The following PTPRD variants were observed in gnomAD, a reference collection of about 807,000 sequenced individuals.
PTPRD encodes protein tyrosine phosphatase receptor type D.
In PTPRD, 34 loss-of-function variants were observed where a neutral mutation model predicts 214.5. That is an observed-to-expected ratio of 0.16 (90% CI 0.12 to 0.21). The LOEUF (loss-of-function observed/expected upper bound fraction) is 0.21. PTPRD is among the 10% of genes least tolerant of loss of function. The pLI is 1.00. For synonymous variants in PTPRD, 1,128 were observed against 845.7 expected (o/e 1.33, Z -5.79); for missense variants, 2,545 against 2,398.7 (o/e 1.06, Z -1.27).
At chr9:9,360,544 A>G (rs890655447) in intron 9 of PTPRD, among the ~76,000 whole-genome samples, 3 of 151,112 alleles carry the variant, frequency 2.0e-5, no homozygotes, top group African/African-American at 7.3e-5. Context: ...TGAAATAGGT[A>G]AATTGGGAAA....
At chr9:9,777,978 C>T (rs1253209685) in intron 5 of PTPRD, among the ~76,000 whole-genome samples, 1 of 152,096 alleles carries the variant, frequency 6.6e-6, no homozygotes, top group Non-Finnish European at 1.5e-5. Flanking sequence ...AGAGGATATT[C>T]CAAGAATAGG....
intron 7 of PTPRD, among the ~76,000 whole-genome samples, chr9:9,664,088 T>TTA (rs371443422): frequency 1.7e-5 from 2 of 114,536 alleles, no homozygotes; most frequent in African/African-American, 6.6e-5. Context: ...CACTCCTGTG[T>TTA]AAAAAAAAAA....
chr9:8,538,005 T>C (rs1218240365), intron 14 of PTPRD, among the ~76,000 whole-genome samples: 1 of 152,012 alleles, frequency 6.6e-6, no homozygotes, highest in African/African-American at 2.4e-5. Flanking sequence ...AAAAAAGAAG[T>C]ACCTTCTCCT....
At chr9:8,769,827 A>G (rs2095060989) in intron 11 of PTPRD, among the ~76,000 whole-genome samples, 1 of 152,062 alleles carries the variant, frequency 6.6e-6, no homozygotes, top group Admixed American at 6.5e-5. Context: ...AAATACATAG[A>G]AATCTGACCG....
chr9:10,405,636 G>C (rs2098341891), intron 2 of PTPRD, among the ~76,000 whole-genome samples: 2 of 151,532 alleles, frequency 1.3e-5, no homozygotes, highest in African/African-American at 4.8e-5. Context: ...AAAAATTAAA[G>C]AAGTGTATGT....
intron 10 of PTPRD, among the ~76,000 whole-genome samples, chr9:9,145,431 T>C (rs766385442): frequency 1.1e-4 from 16 of 145,862 alleles, no homozygotes; most frequent in Non-Finnish European, 2.2e-4. Flanking sequence ...TTGAGTGTCC[T>C]TTTAATTTAG....
chr9:8,476,724 T>G (rs1217213998), intron 30 of PTPRD, among the ~76,000 whole-genome samples: 1 of 152,124 alleles, frequency 6.6e-6, no homozygotes, highest in African/African-American at 2.4e-5. Flanking sequence ...CCCCCAACAT[T>G]TGCTTAACTT....
intron 9 of PTPRD, among the ~76,000 whole-genome samples, chr9:9,383,714 T>C (rs2062996641): frequency 3.9e-5 from 6 of 152,102 alleles, no homozygotes; most frequent in Admixed American, 3.9e-4. Context: ...AAGTGTAGGG[T>C]AAGTCCTGCT....
chr9:9,515,575 C>T (rs940315178), intron 8 of PTPRD, among the ~76,000 whole-genome samples: 1 of 151,060 alleles, frequency 6.6e-6, no homozygotes, highest in African/African-American at 2.4e-5. Flanking sequence ...GAGGTGGTTG[C>T]AAAATGAATT....
intron 5 of PTPRD, among the ~76,000 whole-genome samples, chr9:9,906,698 A>T (rs534708393): frequency 1.3e-5 from 2 of 151,994 alleles, no homozygotes; most frequent in Admixed American, 6.6e-5. Flanking sequence ...ATATGTAGAC[A>T]ATTCATAGGA....
intron 4 of PTPRD, among the ~76,000 whole-genome samples, chr9:10,023,006 C>T (rs1004786739): frequency 6.6e-6 from 1 of 152,086 alleles, no homozygotes; most frequent in African/African-American, 2.4e-5. Context: ...AAATATTGTA[C>T]TAGACGCATA....
rs370804504 is a variant in PTPRD at position 8,726,668 on chromosome 9, GT to G, written c.64+7111del. On this transcript the variant is annotated intron_variant, in intron 12 of 45. Transcript: ENST00000381196. ...ATATATATGACAGCCAGGTGTGGTG[GT>G]GGGCACCTGTAATCCCAGCTACTTG... Among the ~76,000 whole-genome samples the G allele has an allele frequency of 9.4e-4, 116 of 123,386 alleles. 5 individuals carry two copies. The highest frequency in any genetic ancestry group is 3.6e-3 in the African/African-American group (112 of 31,098). The allele number at this position is 123,386 out of a possible 152,430, so 80.9% of individuals were successfully genotyped here. A position where few individuals can be genotyped will look rare whatever the true frequency, so the allele number is the denominator to read the frequency against.
At chr9:8,367,964 T>C (rs1468467729) in intron 39 of PTPRD, among the ~76,000 whole-genome samples, 1 of 152,212 alleles carries the variant, frequency 6.6e-6, no homozygotes, top group Non-Finnish European at 1.5e-5. Flanking sequence ...TTTAATGTGC[T>C]CGAGGTCACA....
chr9:10,245,882 A>G (rs887774549), intron 3 of PTPRD, among the ~76,000 whole-genome samples: 8 of 152,258 alleles, frequency 5.3e-5, no homozygotes, highest in African/African-American at 1.9e-4. Flanking sequence ...TTCAAGAATG[A>G]GGTGGCATGT....
At chr9:10,554,826 A>C (rs1448706381) in intron 2 of PTPRD, among the ~76,000 whole-genome samples, 1 of 151,996 alleles carries the variant, frequency 6.6e-6, no homozygotes, top group Non-Finnish European at 1.5e-5. Context: ...ACGCCCGGCT[A>C]ATTTTTTGTA....
intron 3 of PTPRD, among the ~76,000 whole-genome samples, chr9:10,284,649 C>T (rs2095279353): frequency 6.6e-6 from 1 of 152,172 alleles, no homozygotes; most frequent in Non-Finnish European, 1.5e-5. Flanking sequence ...TCTCAAAAGG[C>T]TTCAACCAAG....
At chr9:8,504,001 A>G (rs997724447) in intron 23 of PTPRD, among the ~76,000 whole-genome samples, 2 of 152,178 alleles carry the variant, frequency 1.3e-5, no homozygotes, top group Non-Finnish European at 2.9e-5. Flanking sequence ...CCTTTAACCC[A>G]CATTTCACCC....
chr9:9,555,064 G>T (rs745757943), intron 8 of PTPRD, among the ~76,000 whole-genome samples: 5 of 151,978 alleles, frequency 3.3e-5, no homozygotes, highest in Non-Finnish European at 7.4e-5. Flanking sequence ...TTCTAAAAGT[G>T]GTTTGTTTAA....
At chr9:8,917,129 C>G (rs1367830177) in intron 11 of PTPRD, among the ~76,000 whole-genome samples, 1 of 134,600 alleles carries the variant, frequency 7.4e-6, no homozygotes, top group Non-Finnish European at 1.6e-5. Context: ...TCTTCTTCTT[C>G]TTCTTCTTTT....
Sources: gnomAD v4.1 joint callset for allele counts (sites outside exome capture counted in the v4.1 genomes callset) on GRCh38, gnomAD v4.1.1 for gene constraint, MANE v1.5 for transcripts, NCBI Gene and HGNC (gene_info 2026-07-23, HGNC 2026-07-21) for gene names.